Variants in ATG3 observed in about 807,000 individuals in gnomAD.
ATG3 encodes the protein ubiquitin-like-conjugating enzyme ATG3.
Under a neutral mutation model 50.7 loss-of-function variants are expected in ATG3, and 25 were observed. That is an observed-to-expected ratio of 0.49 (90% CI 0.36 to 0.69). The LOEUF is 0.69. ATG3 is among the 30% of genes least tolerant of loss of function. The pLI, the probability that ATG3 is intolerant of heterozygous loss-of-function variation, is 0.00. For missense variants in ATG3, 281 were observed against 376.0 expected, an observed-to-expected ratio of 0.75 and a Z score of 2.09; for synonymous variants, 119 against 125.5, an observed-to-expected ratio of 0.95 and a Z score of 0.34.
chr3:112,561,739 C>T lies in ATG3; in HGVS notation c.-211G>A. On this transcript the variant is annotated 5_prime_UTR_variant, in exon 1 of 12. Transcript: ENST00000283290. Reference sequence around the variant, plus strand: ...GCGCGAAGACGGGGTGCGCGATCCTCGCACCCCAGGCAGCCCGCGACGGAC... The same window carrying T: ...GCGCGAAGACGGGGTGCGCGATCCTTGCACCCCAGGCAGCCCGCGACGGAC... 1 of 560,306 alleles carries T rather than the reference C, an allele frequency of 1.8e-6. No individual in the cohort carries two copies. The highest frequency in any genetic ancestry group is 3.3e-5 in the East Asian group (1 of 30,140). The allele number at this position is 560,306 out of a possible 1,614,324, so 34.7% of individuals were successfully genotyped here. A position where few individuals can be genotyped will look rare whatever the true frequency, so the allele number is the denominator to read the frequency against.
At chr3:112,542,384 C>A (rs766341032) in intron 6 of ATG3, among the ~76,000 whole-genome samples, 1 of 152,026 alleles carries the variant, frequency 6.6e-6, no homozygotes, top group Non-Finnish European at 1.5e-5. Context: ...GATATCAGTT[C>A]AATTTCTTAA....
intron 1 of ATG3, among the ~76,000 whole-genome samples, chr3:112,559,278 T>G (rs1933772729): frequency 6.6e-6 from 1 of 152,216 alleles, no homozygotes; most frequent in South Asian, 2.1e-4. Flanking sequence ...ATTCTCTAAA[T>G]TTTTCTAAAC....
At chr3:112,558,882 G>T (rs932955925) in intron 1 of ATG3, among the ~76,000 whole-genome samples, 2 of 152,028 alleles carry the variant, frequency 1.3e-5, no homozygotes, top group African/African-American at 4.8e-5. Context: ...GGGATTACAG[G>T]CATGTGCCAC....
intron 3 of ATG3, 96 bp from the exon 4 acceptor site, chr3:112,550,358 T>A: frequency 1.0e-6 from 1 of 998,618 alleles, no homozygotes. Flanking sequence ...AATGATATAA[T>A]CCATAATTCT....
chr3:112,555,181 C>G (rs1049394335), intron 2 of ATG3, among the ~76,000 whole-genome samples: 1 of 152,024 alleles, frequency 6.6e-6, no homozygotes, highest in African/African-American at 2.4e-5. Flanking sequence ...AACAAGAACA[C>G]TAGGAGGCAA....
Position 112,548,425 on chromosome 3 carries a change from G to A in ATG3, c.343+108C>T, listed in dbSNP as rs149572275. On this transcript the variant is annotated intron_variant, in intron 5 of 11. Transcript: ENST00000283290. ...CTGCTTTTTTCATGTAAGTCTATTG[G>A]GACAAAACTATGCCTTATGTATCCT... 1.1e-3 allele frequency: 1,069 copies of A among 976,882 alleles called. 9 individuals are homozygous for A. The African/African-American group carries it at 0.016, about 15-fold the overall frequency. 60.5% of individuals were successfully genotyped at this position (976,882 alleles called of 1,614,324 possible).
chr3:112,543,666 T>C (rs975795384), intron 6 of ATG3, among the ~76,000 whole-genome samples: 6 of 152,262 alleles, frequency 3.9e-5, no homozygotes, highest in East Asian at 3.9e-4. Context: ...AGTAAGCAAG[T>C]AGTTAATTCC....
At chr3:112,534,361 T>C in intron 10 of ATG3, 24 bp from the exon 11 acceptor site, 3 of 1,110,976 alleles carry the variant, frequency 2.7e-6, no homozygotes, top group East Asian at 2.5e-5. Flanking sequence ...AAAAAAAAAA[T>C]TGTTAATGTA....
rs77882834 is a variant in ATG3 at position 112,541,786 on chromosome 3, A to G, written c.475+17T>C. 6,137 of 1,595,064 alleles carry G rather than the reference A, an allele frequency of 3.8e-3. 127 individuals are homozygous for G. The highest frequency in any genetic ancestry group is 0.036 in the African/African-American group (2,670 of 74,664). ...CAATATTCTAGTGGAACTGAAGCAA[A>G]TCTAGAACAGGAATACCTTCCATAT... On this transcript the variant is annotated intron_variant, in intron 7 of 11. Coordinates refer to ENST00000283290, the MANE Select transcript of ATG3 (RefSeq NM_022488.5).
intron 7 of ATG3, among the ~76,000 whole-genome samples, chr3:112,539,228 A>AAAAC (rs1371027195): frequency 1.3e-5 from 2 of 152,272 alleles, no homozygotes; most frequent in South Asian, 2.1e-4. Flanking sequence ...CTCTACTTGA[A>AAAAC]AAACAAACAA....
intron 1 of ATG3, among the ~76,000 whole-genome samples, chr3:112,560,593 A>C (rs1207051563): frequency 6.6e-6 from 1 of 152,146 alleles, no homozygotes; most frequent in Non-Finnish European, 1.5e-5. Flanking sequence ...AAAAAAAAAC[A>C]AAAACTAAGC....
At chr3:112,534,391 A>T (rs920441368) in intron 10 of ATG3, 54 bp from the exon 11 acceptor site, 32 of 1,401,952 alleles carry the variant, frequency 2.3e-5, no homozygotes, top group Non-Finnish European at 2.9e-5. Context: ...GACCGAAAGA[A>T]GAAAAACATA....
intron 11 of ATG3, 81 bp downstream of exon 11, chr3:112,534,188 C>A: frequency 6.4e-7 from 1 of 1,552,622 alleles, no homozygotes. Context: ...GCTACTGTAT[C>A]ATTAAGGTTA....
intron 2 of ATG3, among the ~76,000 whole-genome samples, chr3:112,554,694 G>A (rs1364892085): frequency 6.6e-6 from 1 of 152,146 alleles, no homozygotes; most frequent in African/African-American, 2.4e-5. Flanking sequence ...TTGTTCATGG[G>A]TTTACTACAC....
At chr3:112,542,645 C>T (rs563271080) in intron 6 of ATG3, among the ~76,000 whole-genome samples, 60 of 152,004 alleles carry the variant, frequency 3.9e-4, no homozygotes, top group African/African-American at 1.3e-3. Flanking sequence ...CCATCAGTGT[C>T]GGAGTAATTA....
rs752769972 is a variant in ATG3, at chr3:112,534,349, A to AG, written c.795-13_795-12insC. 2.0e-6 allele frequency: 3 copies of AG among 1,507,854 alleles called. No homozygotes were observed. Among genetic ancestry groups the AG allele is most frequent in the Non-Finnish European group, 2.6e-6 (3 of 1,135,070 alleles). 93.4% of individuals were successfully genotyped at this position (1,507,854 alleles called of 1,614,324 possible). ...TCACCTCAGCATGCCTAGAAGCCAA[A>AG]AAAAAAAAAAATTGTTAATGTAGAT... On this transcript the variant is annotated splice_polypyrimidine_tract_variant and intron_variant, in intron 10 of 11. Coordinates refer to ENST00000283290, the MANE Select transcript of ATG3 (RefSeq NM_022488.5).
intron 2 of ATG3, among the ~76,000 whole-genome samples, 188 bp from the exon 3 acceptor site, chr3:112,553,517 T>G (rs1472577940): frequency 2.0e-5 from 3 of 152,182 alleles, no homozygotes; most frequent in African/African-American, 4.8e-5. Flanking sequence ...ATGACTAAAC[T>G]GCAATGTTTT....
chr3:112,559,155 G>A (rs1184805035), intron 1 of ATG3, among the ~76,000 whole-genome samples: 1 of 152,078 alleles, frequency 6.6e-6, no homozygotes, highest in African/African-American at 2.4e-5. Context: ...AAGATGTTTA[G>A]ACATCTTACA....
chr3:112,561,081 T>G (rs577875726), intron 1 of ATG3, among the ~76,000 whole-genome samples: 1 of 152,306 alleles, frequency 6.6e-6, no homozygotes, highest in East Asian at 1.9e-4. Context: ...TGTCAAACAC[T>G]AAATTCATTT....
Sources: allele counts gnomAD v4.1 joint callset (sites outside exome capture counted in the v4.1 genomes callset), GRCh38; gene constraint gnomAD v4.1.1; transcripts MANE v1.5; gene names NCBI Gene and HGNC (gene_info 2026-07-23, HGNC 2026-07-21).